CNTN4: variants seen among roughly 807,000 people sequenced by gnomAD.
The protein encoded by CNTN4 is contactin-4.
A neutral mutation model predicts 122.5 loss-of-function variants in CNTN4; 77 were observed. The ratio of observed to expected loss-of-function variants is 0.63; its 90% CI spans 0.52 to 0.76. The LOEUF (loss-of-function observed/expected upper bound fraction) is 0.76. CNTN4 is among the 30% of genes least tolerant of loss of function. CNTN4 has a pLI of 0.00. For synonymous variants in CNTN4, 512 were observed against 447.0 expected, an observed-to-expected ratio of 1.15 and a Z score of -1.83; for missense variants, 1,256 against 1,259.1, an observed-to-expected ratio of 1.00 and a Z score of 0.04.
chr3:2,929,306 T>C (rs750639148), intron 13 of CNTN4, among the ~76,000 whole-genome samples: 31 of 152,208 alleles, frequency 2.0e-4, no homozygotes, highest in Non-Finnish European at 4.0e-4. Flanking sequence ...GTTGATTATT[T>C]TATTTACTGT....
At chr3:2,724,452 C>T (rs1416694402) in intron 4 of CNTN4, among the ~76,000 whole-genome samples, 3 of 152,158 alleles carry the variant, frequency 2.0e-5, no homozygotes, top group Non-Finnish European at 4.4e-5. Context: ...AAGAAAAGCA[C>T]ACCAAACTCA....
intron 2 of CNTN4, among the ~76,000 whole-genome samples, chr3:2,314,407 G>T (rs541713759): frequency 6.6e-6 from 1 of 151,886 alleles, no homozygotes; most frequent in African/African-American, 2.4e-5. Context: ...AAATGAAAAG[G>T]TCAAGAAACT....
chr3:2,185,848 A>C (rs2037227669), intron 2 of CNTN4, among the ~76,000 whole-genome samples: 1 of 152,062 alleles, frequency 6.6e-6, no homozygotes, highest in South Asian at 2.1e-4. Flanking sequence ...TTGTTTTATG[A>C]GGCATGTGGG....
chr3:2,228,807 T>C (rs1368830640), intron 2 of CNTN4, among the ~76,000 whole-genome samples: 1 of 152,124 alleles, frequency 6.6e-6, no homozygotes, highest in African/African-American at 2.4e-5. Flanking sequence ...TTTTCTTCTA[T>C]AACCCAATTA....
intron 3 of CNTN4, among the ~76,000 whole-genome samples, chr3:2,525,306 T>G (rs1381262193): frequency 6.6e-6 from 1 of 152,154 alleles, no homozygotes; most frequent in Non-Finnish European, 1.5e-5. Context: ...ATGTTAGTGC[T>G]CTGAGAAAAA....
intron 4 of CNTN4, among the ~76,000 whole-genome samples, chr3:2,679,487 G>C (rs1312624260): frequency 6.6e-6 from 1 of 152,092 alleles, no homozygotes; most frequent in Non-Finnish European, 1.5e-5. Context: ...GTCTCTGAGG[G>C]GCATGGAAGT....
chr3:2,199,451 A>G (rs912461169), intron 2 of CNTN4, among the ~76,000 whole-genome samples: 3 of 152,156 alleles, frequency 2.0e-5, no homozygotes, highest in Admixed American at 1.3e-4. Flanking sequence ...ATATTTTTAT[A>G]GATTGATAGC....
At chr3:2,287,241 C>T (rs2041933470) in intron 2 of CNTN4, among the ~76,000 whole-genome samples, 1 of 152,060 alleles carries the variant, frequency 6.6e-6, no homozygotes. Context: ...GCATACAATG[C>T]GTGAAAAATA....
chr3:2,352,380 G>A (rs927731891), intron 3 of CNTN4, among the ~76,000 whole-genome samples: 1 of 152,178 alleles, frequency 6.6e-6, no homozygotes, highest in Non-Finnish European at 1.5e-5. Context: ...CTCTGCTTGT[G>A]GGGAGGTGTG....
At chr3:3,042,485 A>T in intron 21 of CNTN4, 63 bp downstream of exon 21, 1 of 1,071,030 alleles carries the variant, frequency 9.3e-7, no homozygotes, top group East Asian at 2.4e-5. Flanking sequence ...AAGTCCTCCA[A>T]GTCACATTCT....
Position 2,795,389 on chromosome 3 carries a change from C to G in CNTN4, c.359-24097C>G, listed in dbSNP as rs1353297905. 2.0e-5 allele frequency among the ~76,000 whole-genome samples: 3 copies of G among 152,122 alleles called. No individual in the cohort carries two copies. The East Asian group carries it at 5.8e-4, about 29-fold the overall frequency. ...TTGTGTAACTGGGATTTGGTGAGCT[C>G]CCAATACCCTTTTCTCACAACTCCA... On this transcript the variant is annotated intron_variant, in intron 6 of 24. Coordinates refer to ENST00000418658, the MANE Select transcript of CNTN4 (RefSeq NM_175607.3).
At chr3:2,756,864 G>A (rs184694932) in intron 6 of CNTN4, among the ~76,000 whole-genome samples, 24 of 152,250 alleles carry the variant, frequency 1.6e-4, no homozygotes, top group Middle Eastern at 3.4e-3. Context: ...ACTTGATTTC[G>A]GGTATCTAGC....
chr3:2,488,519 C>A (rs565836039), intron 3 of CNTN4, among the ~76,000 whole-genome samples: 2 of 152,266 alleles, frequency 1.3e-5, no homozygotes, highest in Non-Finnish European at 2.9e-5. Context: ...GTGCCCTGAG[C>A]TACTGGGATA....
chr3:2,707,038 G>C (rs2149306493), intron 4 of CNTN4, among the ~76,000 whole-genome samples: 1 of 152,166 alleles, frequency 6.6e-6, no homozygotes, highest in African/African-American at 2.4e-5. Context: ...AGTGGCTCAT[G>C]CTTGTAGTCC....
chr3:2,717,736 C>G (rs979283816), intron 4 of CNTN4, among the ~76,000 whole-genome samples: 1 of 152,156 alleles, frequency 6.6e-6, no homozygotes, highest in African/African-American at 2.4e-5. Flanking sequence ...AGTATCTACA[C>G]TATTTTACAT....
At chr3:2,704,104 C>G (rs1365331076) in intron 4 of CNTN4, among the ~76,000 whole-genome samples, 1 of 151,500 alleles carries the variant, frequency 6.6e-6, no homozygotes, top group Non-Finnish European at 1.5e-5. Context: ...CAAGATCAGC[C>G]TGGGCAGCAT....
intron 14 of CNTN4, among the ~76,000 whole-genome samples, chr3:2,994,594 C>CAT (rs35069373): frequency 0.078 from 11,220 of 144,496 alleles, 502 homozygotes; most frequent in Admixed American, 0.14. Flanking sequence ...CAGATTTTTT[C>CAT]ATATATATAT....
intron 4 of CNTN4, among the ~76,000 whole-genome samples, chr3:2,572,806 A>G (rs572358573): frequency 9.2e-5 from 14 of 152,288 alleles, no homozygotes; most frequent in Middle Eastern, 3.4e-3. Context: ...TTAGAGCTCT[A>G]TTAACTGAGT....
intron 4 of CNTN4, among the ~76,000 whole-genome samples, chr3:2,713,701 C>CGT (rs567279733): frequency 3.2e-4 from 49 of 152,170 alleles, no homozygotes; most frequent in African/African-American, 1.1e-3. Flanking sequence ...TTTGGGGTAG[C>CGT]GTGTCCTGAA....
Sources: allele counts gnomAD v4.1 joint callset (sites outside exome capture counted in the v4.1 genomes callset), GRCh38; gene constraint gnomAD v4.1.1; transcripts MANE v1.5; gene names NCBI Gene and HGNC (gene_info 2026-07-23, HGNC 2026-07-21).